The following CCNDBP1 variants were observed in gnomAD, a reference collection of about 807,000 sequenced individuals.
The protein encoded by CCNDBP1 is cyclin-D1-binding protein 1.
In CCNDBP1, 45 loss-of-function variants were observed where a neutral mutation model predicts 46.2. That is an observed-to-expected ratio of 0.97 (90% confidence interval 0.77 to 1.25). The LOEUF (loss-of-function observed/expected upper bound fraction) is 1.25. CCNDBP1 is among the 50% of genes most tolerant of loss of function. The probability of loss-of-function intolerance (pLI) is 0.00; values close to 1 mark genes in which losing one functional copy is unlikely to be tolerated. For synonymous variants in CCNDBP1, 154 were observed against 163.6 expected, an observed-to-expected ratio of 0.94 and a Z score of 0.45; for missense variants, 436 against 442.1, an observed-to-expected ratio of 0.99 and a Z score of 0.12.
intron 2 of CCNDBP1, 61 bp from the exon 3 acceptor site, chr15:43,186,093 T>C (rs1444713439): frequency 6.8e-7 from 1 of 1,477,190 alleles, no homozygotes; most frequent in Non-Finnish European, 9.4e-7. Flanking sequence ...GTAAGGGAAG[T>C]CTTCCAAGTC....
In CCNDBP1 at chr15:43,188,292, G is replaced by A. The variant is rs562371012; in HGVS notation, c.250-907G>A. ...TAACATGGAGCATTGTCGAGTCCATGCTAGTTACCTTTAGTTACATATTCT... is the reference window on the plus strand; with the variant it reads ...TAACATGGAGCATTGTCGAGTCCATACTAGTTACCTTTAGTTACATATTCT... On this transcript the variant is annotated intron_variant, in intron 3 of 10. Transcript: ENST00000300213. Among the ~76,000 whole-genome samples, 16 of 152,118 alleles carry A rather than the reference G, an allele frequency of 1.1e-4. No individual in the cohort carries two copies. The South Asian group carries it at 3.1e-3, about 30-fold the overall frequency.
intron 6 of CCNDBP1, among the ~76,000 whole-genome samples, chr15:43,190,646 C>T (rs1264456002): frequency 6.6e-6 from 1 of 152,098 alleles, no homozygotes; most frequent in Non-Finnish European, 1.5e-5. Flanking sequence ...TTTCCTAGTC[C>T]TACCCCAAGA....
chr15:43,194,002 C>T (rs1475211225), intron 9 of CCNDBP1: 1 of 308,162 alleles, frequency 3.2e-6, no homozygotes. Flanking sequence ...TATTAAACGT[C>T]TCCATCTTAT....
chr15:43,191,687 C>T lies in CCNDBP1; in HGVS notation c.860+12C>T, dbSNP rs1255821048. 8 of 1,596,478 alleles carry T rather than the reference C, an allele frequency of 5.0e-6. No individual in the cohort carries two copies. Among genetic ancestry groups the T allele is most frequent in the Non-Finnish European group, 6.8e-6 (8 of 1,176,736 alleles). On this transcript the variant is annotated intron_variant, in intron 8 of 10. Coordinates refer to ENST00000300213, the MANE Select transcript of CCNDBP1 (RefSeq NM_012142.5). ...GAAATCAGCCCTAGGTAAGCGGGAT[C>T]CCCACTTGAAACATCTGAGCAGCAG...
In CCNDBP1 at chr15:43,190,244, G is replaced by C. The variant is rs1361639767; in HGVS notation, c.429-81G>C. On this transcript the variant is annotated intron_variant, in intron 5 of 10. Transcript: ENST00000300213. ...TAACAGCAAAGTTACTGACAGCTGA[G>C]AGTAATGACCAGCAGGAAGAAGCTT... 6 of 1,583,214 alleles carry C rather than the reference G, an allele frequency of 3.8e-6. No individual in the cohort carries two copies. In the African/African-American group the frequency reaches 4.0e-5, roughly 11 times the overall value.
Position 43,194,889 on chromosome 15 carries a change from G to T in CCNDBP1, c.*48G>T. 8.5e-7 allele frequency: 1 copy of T among 1,172,004 alleles called. No individual in the cohort carries two copies. Among genetic ancestry groups the T allele is most frequent in the South Asian group, 1.2e-5 (1 of 80,462 alleles). The allele number at this position is 1,172,004 out of a possible 1,614,324, so 72.6% of individuals were successfully genotyped here. A position where few individuals can be genotyped will look rare whatever the true frequency, so the allele number is the denominator to read the frequency against. On this transcript the variant is annotated 3_prime_UTR_variant, in exon 11 of 11. Transcript: ENST00000300213. ...TCTTCCCCTCTCATCGTCATGGTCA[G>T]GCTCTGATACCTGCTTTTAAAATGG...
intron 4 of CCNDBP1, chr15:43,189,489 G>A: frequency 2.1e-6 from 1 of 484,164 alleles, no homozygotes; most frequent in Non-Finnish European, 3.6e-6. Flanking sequence ...CATCTCCCCT[G>A]CCTTGCCTGA....
chr15:43,196,989 A>G lies in CCNDBP1; in HGVS notation c.*2148A>G. The G allele has an allele frequency of 2.5e-6, 1 of 394,002 alleles. No homozygotes were observed. Among genetic ancestry groups the G allele is most frequent in the Non-Finnish European group, 4.8e-6 (1 of 207,322 alleles). The allele number at this position is 394,002 out of a possible 1,614,324, so 24.4% of individuals were successfully genotyped here. On this transcript the variant is annotated 3_prime_UTR_variant, in exon 11 of 11. Transcript: ENST00000300213. ...TCTATATGTCCCTCCCCCACCCCAG[A>G]GCTGGCTGTTAAAACGAGGCTGGCA...
chr15:43,195,893 T>G lies in CCNDBP1; in HGVS notation c.*1052T>G, dbSNP rs891558489. 2 of 152,240 alleles carry G rather than the reference T, an allele frequency of 1.3e-5. No individual in the cohort carries two copies. The highest frequency in any genetic ancestry group is 4.8e-5 in the African/African-American group (2 of 41,470). The allele number at this position is 152,240 out of a possible 1,614,324, so 9.4% of individuals were successfully genotyped here. On this transcript the variant is annotated 3_prime_UTR_variant, in exon 11 of 11. Transcript: ENST00000300213. ...TACTTGGGGTTGGGGTTGAAATTCC[T>G]TAAGCCAAATGAGTTTTAGCTTACT... is the stretch of plus-strand genomic sequence containing the variant.
intron 4 of CCNDBP1, 144 bp from the exon 5 acceptor site, chr15:43,189,911 G>GTA: frequency 1.5e-6 from 1 of 650,100 alleles, no homozygotes; most frequent in Non-Finnish European, 2.7e-6. Flanking sequence ...GGGGATATAA[G>GTA]TAAGACCTGA....
chr15:43,192,893 T>C (rs1272597669), intron 9 of CCNDBP1, 90 bp downstream of exon 9: 1 of 1,162,060 alleles, frequency 8.6e-7, no homozygotes, highest in Non-Finnish European at 1.3e-6. Context: ...AGGGTACATA[T>C]TTATTAGTCA....
rs1243118527 is a variant in CCNDBP1, at chr15:43,191,633, A to G, written c.818A>G (p.Gln273Arg). The G allele has an allele frequency of 2.5e-6, 4 of 1,611,086 alleles. No individual in the cohort carries two copies. Among genetic ancestry groups the G allele is most frequent in the Non-Finnish European group, 3.4e-6 (4 of 1,180,010 alleles). ...AATGGGAAGAAGGATCAGGTGGCACAGCTGGATGACATTGTGGATATTTCT... is the reference window on the plus strand; with the variant it reads ...AATGGGAAGAAGGATCAGGTGGCACGGCTGGATGACATTGTGGATATTTCT... The part of the protein sequence containing the change: ...AENGKKDQVA[Q>R]LDDIVDISDE... The change falls in exon 8 of 11, where the codon CAG becomes CGG. Residue 273 changes from glutamine to arginine, a missense_variant. By Grantham distance (43) the Gln-to-Arg change is conservative (BLOSUM62 1). Coordinates refer to ENST00000300213, the MANE Select transcript of CCNDBP1 (RefSeq NM_012142.5).
Position 43,189,101 on chromosome 15 carries a change from A to AAAAAAAAAAG in CCNDBP1, c.250-95_250-94insAAAAAAGAAA, listed in dbSNP as rs756151109. The AAAAAAAAAAG allele has an allele frequency of 2.4e-3, 397 of 165,790 alleles. 2 individuals are homozygous for AAAAAAAAAAG. The highest frequency in any genetic ancestry group is 4.7e-3 in the African/African-American group (130 of 27,488). 10.3% of individuals were successfully genotyped at this position (165,790 alleles called of 1,614,324 possible). On this transcript the variant is annotated intron_variant, in intron 3 of 10. Coordinates refer to ENST00000300213, the MANE Select transcript of CCNDBP1 (RefSeq NM_012142.5). ...TCAAAAAAAAAAAAAAAAAAAAAAA[A>AAAAAAAAAAG]AAAGAAAAAGAAAGAAAAGAAAAAG...
chr15:43,194,648 C>A, intron 10 of CCNDBP1, 79 bp from the exon 11 acceptor site: 2 of 1,201,104 alleles, frequency 1.7e-6, no homozygotes, highest in Non-Finnish European at 1.2e-6. Context: ...TTTAGTTTTC[C>A]CTGTGCTCCC....
chr15:43,185,986 C>T, intron 2 of CCNDBP1, 107 bp downstream of exon 2: 5 of 1,253,218 alleles, frequency 4.0e-6, no homozygotes, highest in East Asian at 2.4e-5. Flanking sequence ...CCCGCTGCAT[C>T]CTTTCTGTGA....
chr15:43,187,196 G>A (rs546372484), intron 3 of CCNDBP1, among the ~76,000 whole-genome samples: 6 of 151,422 alleles, frequency 4.0e-5, no homozygotes, highest in East Asian at 3.9e-4. Context: ...ATATATAGGT[G>A]TTTGGAAAGG....
intron 3 of CCNDBP1, 83 bp downstream of exon 3, chr15:43,186,316 A>G (rs1021452296): frequency 2.0e-6 from 2 of 999,932 alleles, no homozygotes; most frequent in Non-Finnish European, 3.1e-6. Flanking sequence ...TTTTGCACGC[A>G]CGCCAGGAGA....
At chr15:43,185,751 G>A (rs2041809301) in intron 1 of CCNDBP1, 69 bp from the exon 2 acceptor site, 2 of 1,529,290 alleles carry the variant, frequency 1.3e-6, no homozygotes, top group African/African-American at 1.4e-5. Flanking sequence ...CTTGGGCGAG[G>A]GAGGTGGCTC....
chr15:43,189,821 T>C lies in CCNDBP1; in HGVS notation c.332-234T>C, dbSNP rs533323530. 7.5e-6 allele frequency: 4 copies of C among 530,072 alleles called. No individual in the cohort carries two copies. In the East Asian group the frequency reaches 1.2e-4, roughly 16 times the overall value. The allele number at this position is 530,072 out of a possible 1,614,324, so 32.8% of individuals were successfully genotyped here. A position where few individuals can be genotyped will look rare whatever the true frequency, so the allele number is the denominator to read the frequency against. ...TCACGGTCCTTAATGAATGAATACA[T>C]GGTGTCACGGAAAGATTTTGTTCCA... On this transcript the variant is annotated intron_variant, in intron 4 of 10. Coordinates refer to ENST00000300213, the MANE Select transcript of CCNDBP1 (RefSeq NM_012142.5).
Sources: allele counts gnomAD v4.1 joint callset (sites outside exome capture counted in the v4.1 genomes callset), GRCh38; gene constraint gnomAD v4.1.1; transcripts MANE v1.5; gene names NCBI Gene and HGNC (gene_info 2026-07-23, HGNC 2026-07-21).